Variants in BFSP1 observed in about 807,000 individuals in gnomAD.
BFSP1 encodes filensin.
BFSP1 carries 38 observed loss-of-function variants against 43.9 expected under a neutral mutation model. The ratio of observed to expected loss-of-function variants is 0.87; its 90% CI spans 0.67 to 1.14. BFSP1 has a LOEUF of 1.14. Among genes scored for constraint, BFSP1 ranks in the 50% most tolerant of loss-of-function variants. The pLI is 0.00. For synonymous variants in BFSP1, 352 were observed against 354.8 expected (o/e 0.99, Z 0.09); for missense variants, 850 against 875.1 (o/e 0.97, Z 0.36).
intron 1 of BFSP1, among the ~76,000 whole-genome samples, chr20:17,553,694 C>G (rs546884671): frequency 6.7e-6 from 1 of 149,706 alleles, no homozygotes; most frequent in Non-Finnish European, 1.5e-5. Context: ...ATCATCAAGG[C>G]CTTTCGGATT....
chr20:17,528,287 T>C (rs1367732291), intron 1 of BFSP1, among the ~76,000 whole-genome samples: 4 of 152,264 alleles, frequency 2.6e-5, no homozygotes, highest in Non-Finnish European at 4.4e-5. Context: ...CTGATGGAAC[T>C]GCTTCATGAT....
At chr20:17,540,362 T>G (rs1345974916) in intron 1 of BFSP1, among the ~76,000 whole-genome samples, 4 of 152,152 alleles carry the variant, frequency 2.6e-5, no homozygotes, top group African/African-American at 9.7e-5. Flanking sequence ...CCTGTCACCC[T>G]CAGCTTTGAC....
Position 17,547,710 on chromosome 20 carries a change from G to T in BFSP1, c.2+10978C>A, listed in dbSNP as rs188337911. ...TAAAGCAAGTGGATTTTTAATAAGA[G>T]ACATGTTTTTTTTCTTTTTCTTTCT... On this transcript the variant is annotated intron_variant, in intron 1 of 7. Transcript: ENST00000377868. Among the ~76,000 whole-genome samples the T allele has an allele frequency of 3.3e-5, 5 of 150,302 alleles. No individual in the cohort carries two copies. In the Admixed American group the frequency reaches 3.4e-4, roughly 10 times the overall value.
intron 5 of BFSP1, among the ~76,000 whole-genome samples, chr20:17,502,176 G>GA (rs35758521): frequency 0.031 from 4,527 of 144,998 alleles, 84 homozygotes; most frequent in Middle Eastern, 0.094. Context: ...TGCTCCTTTG[G>GA]AAAAAAAAAA....
chr20:17,545,480 C>T (rs913129116), intron 1 of BFSP1, among the ~76,000 whole-genome samples: 2 of 152,186 alleles, frequency 1.3e-5, no homozygotes, highest in African/African-American at 2.4e-5. Context: ...AGGAGGGGGC[C>T]GGGCACGGTG....
intron 4 of BFSP1, among the ~76,000 whole-genome samples, chr20:17,510,140 C>T (rs186726034): frequency 6.6e-4 from 100 of 152,342 alleles, no homozygotes; most frequent in Non-Finnish European, 7.1e-4. Context: ...CTTCTCTATC[C>T]TGAGCATGCA....
intron 2 of BFSP1, among the ~76,000 whole-genome samples, chr20:17,518,962 C>A (rs909744640): frequency 3.9e-5 from 6 of 152,190 alleles, no homozygotes; most frequent in Admixed American, 6.5e-5. Flanking sequence ...GGCAGTGGTT[C>A]CCTGTGGAGT....
chr20:17,560,314 T>C (rs2035055853), upstream of BFSP1: 1 of 152,232 alleles, frequency 6.6e-6, no homozygotes, highest in African/African-American at 2.4e-5. Context: ...ATATTCATAT[T>C]TGCCAACATA....
intron 1 of BFSP1, among the ~76,000 whole-genome samples, chr20:17,555,429 G>C (rs149662752): frequency 6.6e-6 from 1 of 151,880 alleles, no homozygotes; most frequent in Admixed American, 6.6e-5. Context: ...AAGGTGGGCA[G>C]ATCACCTGAG....
At chr20:17,518,046 C>T (rs2034239373) in intron 2 of BFSP1, among the ~76,000 whole-genome samples, 1 of 152,192 alleles carries the variant, frequency 6.6e-6, no homozygotes, top group South Asian at 2.1e-4. Flanking sequence ...TCCAAGGCTC[C>T]TCCTGATTCC....
rs1370728311 is a variant in BFSP1, at chr20:17,507,819, C to T, written c.735+1070G>A. Among the ~76,000 whole-genome samples the T allele has an allele frequency of 2.6e-5, 4 of 152,120 alleles. No individual in the cohort carries two copies. The highest frequency in any genetic ancestry group is 4.4e-5 in the Non-Finnish European group (3 of 68,040). The stretch of plus-strand genomic sequence containing the variant: ...CTTACTTGGTTCCTCCTGCTGCGAT[C>T]GTCAGTTCAGGGGACCACCACAGAC... On this transcript the variant is annotated intron_variant, in intron 5 of 7. Transcript: ENST00000377873. The surrounding 1 kb of genome is among the most constrained non-coding windows in gnomAD (Gnocchi z 4.4).
At chr20:17,513,934 T>C (rs1254630556) in intron 3 of BFSP1, among the ~76,000 whole-genome samples, 1 of 152,190 alleles carries the variant, frequency 6.6e-6, no homozygotes, top group Non-Finnish European at 1.5e-5. Context: ...GGTGTGTTTA[T>C]ACACCAACTC....
At chr20:17,499,114 A>G in intron 5 of BFSP1, 74 bp from the exon 6 acceptor site, 1 of 1,334,130 alleles carries the variant, frequency 7.5e-7, no homozygotes, top group Non-Finnish European at 1.1e-6. Context: ...CAGGAAAAGG[A>G]ACCTGGACTC....
At chr20:17,559,128 G>T (rs997462194), upstream of BFSP1, among the ~76,000 whole-genome samples, 3 of 152,018 alleles carry the variant, frequency 2.0e-5, no homozygotes, top group Admixed American at 2.0e-4. Flanking sequence ...AATGCTGTTT[G>T]ATCTCTTGTG....
intron 1 of BFSP1, among the ~76,000 whole-genome samples, chr20:17,566,062 G>T (rs1012616697): frequency 6.9e-6 from 1 of 145,952 alleles, no homozygotes; most frequent in Admixed American, 6.9e-5. Context: ...AGGTTGCAGT[G>T]AGCTGACATC....
chr20:17,564,550 T>A (rs1295944819), intron 1 of BFSP1, among the ~76,000 whole-genome samples: 1 of 152,134 alleles, frequency 6.6e-6, no homozygotes, highest in African/African-American at 2.4e-5. Flanking sequence ...CAACCCTTAC[T>A]AAACTACCAC....
At chr20:17,505,261 G>T (rs2123472694) in intron 5 of BFSP1, among the ~76,000 whole-genome samples, 1 of 152,288 alleles carries the variant, frequency 6.6e-6, no homozygotes, top group East Asian at 1.9e-4. Flanking sequence ...TCCGCCCAGC[G>T]TCTCCCAGAC....
chr20:17,504,650 G>T (rs933009533), intron 5 of BFSP1, among the ~76,000 whole-genome samples: 2 of 152,202 alleles, frequency 1.3e-5, no homozygotes, highest in African/African-American at 4.8e-5. Flanking sequence ...CTGCAGGAGG[G>T]GTCAGGAGAC....
chr20:17,498,357 C>A (rs532993785), intron 6 of BFSP1, among the ~76,000 whole-genome samples: 78 of 152,342 alleles, frequency 5.1e-4, no homozygotes, highest in African/African-American at 1.8e-3. Flanking sequence ...CAGACTGACT[C>A]AGCAAGGTGC....
Sources: allele counts gnomAD v4.1 joint callset (sites outside exome capture counted in the v4.1 genomes callset), GRCh38; gene constraint gnomAD v4.1.1; non-coding constraint Gnocchi (gnomAD v3.1); transcripts MANE v1.5; gene names NCBI Gene and HGNC (gene_info 2026-07-23, HGNC 2026-07-21).